The following CDH23 variants were observed in gnomAD, a reference collection of about 807,000 sequenced individuals.
The protein encoded by CDH23 is cadherin-23.
In CDH23, 189 loss-of-function variants were observed where a neutral mutation model predicts 317.1. The ratio of observed to expected loss-of-function variants is 0.60; its 90% CI spans 0.53 to 0.67. The LOEUF (loss-of-function observed/expected upper bound fraction) is 0.67. Ranked by LOEUF, CDH23 falls within the 30% of genes least tolerant of loss-of-function variation. The pLI is 0.00. For synonymous variants in CDH23, 1,839 were observed against 1,876.8 expected, an observed-to-expected ratio of 0.98 and a Z score of 0.52; for missense variants, 4,401 against 4,592.4, an observed-to-expected ratio of 0.96 and a Z score of 1.20.
intron 3 of CDH23, among the ~76,000 whole-genome samples, chr10:71,500,470 C>A (rs1853229249): frequency 6.6e-6 from 1 of 152,208 alleles, no homozygotes; most frequent in South Asian, 2.1e-4. Context: ...GAATGGCCGT[C>A]TTGCTGGTAG....
chr10:71,409,489 G>A (rs1420922719), intron 1 of CDH23, among the ~76,000 whole-genome samples: 3 of 152,174 alleles, frequency 2.0e-5, no homozygotes, highest in African/African-American at 4.8e-5. Flanking sequence ...ATGGGGAGGC[G>A]CTAGAATTCA....
intron 22 of CDH23, among the ~76,000 whole-genome samples, chr10:71,698,640 C>T (rs188881785): frequency 6.6e-6 from 1 of 152,278 alleles, no homozygotes; most frequent in East Asian, 1.9e-4. Context: ...TCCTCCCTGA[C>T]CCCTGCTCTT....
intron 30 of CDH23, among the ~76,000 whole-genome samples, chr10:71,726,249 C>T (rs920536506): frequency 7.2e-5 from 11 of 152,026 alleles, no homozygotes; most frequent in Non-Finnish European, 1.3e-4. Flanking sequence ...GTGAGTCAGA[C>T]CCCAGACATC....
chr10:71,419,664 A>C (rs1364567165), intron 1 of CDH23, among the ~76,000 whole-genome samples: 1 of 152,088 alleles, frequency 6.6e-6, no homozygotes, highest in African/African-American at 2.4e-5. Flanking sequence ...CATTTCCTTT[A>C]CTTTTTCTAT....
chr10:71,732,696 T>C, intron 32 of CDH23: 1 of 1,304,258 alleles, frequency 7.7e-7, no homozygotes, highest in Non-Finnish European at 9.8e-7. Context: ...TTTTCATATG[T>C]AGGAGTAAGA....
intron 6 of CDH23, among the ~76,000 whole-genome samples, chr10:71,530,262 C>A (rs944941081): frequency 1.3e-5 from 2 of 152,178 alleles, no homozygotes; most frequent in African/African-American, 4.8e-5. Context: ...TCCTTGGGGG[C>A]TCTGGACCCG....
chr10:71,403,283 C>A (rs1022601889), intron 1 of CDH23, among the ~76,000 whole-genome samples: 7 of 151,788 alleles, frequency 4.6e-5, no homozygotes, highest in Admixed American at 6.6e-5. Context: ...TTGCCGGTAC[C>A]CCTTTCATTT....
chr10:71,723,888 C>G (rs3802713), intron 28 of CDH23, among the ~76,000 whole-genome samples, 157 bp from the exon 29 acceptor site: 1 of 152,040 alleles, frequency 6.6e-6, no homozygotes. Context: ...AAGACATACA[C>G]GTCCCCTTGT....
intron 11 of CDH23, among the ~76,000 whole-genome samples, chr10:71,619,029 C>T (rs556193569): frequency 1.1e-4 from 17 of 152,246 alleles, no homozygotes; most frequent in Admixed American, 2.0e-4. Context: ...AAATACAGTA[C>T]GTACATTTTA....
intron 6 of CDH23, among the ~76,000 whole-genome samples, chr10:71,522,654 T>C (rs1469136638): frequency 1.3e-5 from 2 of 152,160 alleles, no homozygotes; most frequent in Non-Finnish European, 2.9e-5. Context: ...CAGGGGGAGC[T>C]AACCCCTGTG....
intron 6 of CDH23, among the ~76,000 whole-genome samples, chr10:71,550,638 C>G (rs1203887509): frequency 6.6e-6 from 1 of 151,698 alleles, no homozygotes; most frequent in Admixed American, 6.6e-5. Flanking sequence ...ACAAGGCTGC[C>G]TGTGGGAAAC....
intron 30 of CDH23, among the ~76,000 whole-genome samples, chr10:71,725,953 G>A (rs1311403363): frequency 6.6e-6 from 1 of 151,228 alleles, no homozygotes; most frequent in East Asian, 1.9e-4. Context: ...CTGAATCCAA[G>A]TTCAGTGCCC....
At chr10:71,747,238 A>G (rs948741958) in intron 38 of CDH23, among the ~76,000 whole-genome samples, 3 of 152,158 alleles carry the variant, frequency 2.0e-5, no homozygotes, top group Admixed American at 1.3e-4. Flanking sequence ...AGAGGGGTGC[A>G]TGGGCCACTG....
chr10:71,748,558 G>A (rs1839910311), intron 38 of CDH23: 1 of 152,384 alleles, frequency 6.6e-6, no homozygotes, highest in Non-Finnish European at 1.5e-5. Flanking sequence ...CAGGAGATAG[G>A]TAAGATGGCC....
intron 38 of CDH23, among the ~76,000 whole-genome samples, chr10:71,773,768 G>C (rs560927644): frequency 1.8e-4 from 28 of 152,268 alleles, no homozygotes; most frequent in African/African-American, 6.3e-4. Flanking sequence ...AATTATTATT[G>C]CTGCGCAGCC....
rs397517320 is a variant in CDH23, at chr10:71,707,035, G to C, written c.3092G>C (p.Ser1031Thr). The change falls in exon 26 of 70, where the codon AGC (serine) becomes ACC (threonine). Residue 1031 changes from serine (S) to threonine (T), a missense_variant. Transcript: ENST00000224721. The part of the protein sequence containing the change: ...DNDVGLNAEL[S>T]YFITGGNVDG... ...GACGTGGGCCTCAATGCAGAGCTCAGCTACTTCATCACAGGTGCTGCCCCG... is the reference window on the plus strand; with the variant it reads ...GACGTGGGCCTCAATGCAGAGCTCACCTACTTCATCACAGGTGCTGCCCCG... The C allele has an allele frequency of 3.1e-6, 5 of 1,605,370 alleles. No homozygotes were observed. The highest frequency in any genetic ancestry group is 1.3e-5 in the African/African-American group (1 of 74,836).
At chr10:71,708,380 G>A (rs10999966) in intron 26 of CDH23, among the ~76,000 whole-genome samples, 6,567 of 152,246 alleles carry the variant, frequency 0.043, 184 homozygotes, top group East Asian at 0.081. Flanking sequence ...AGCTGGTGCC[G>A]TGGCGCCCTC....
Position 71,545,314 on chromosome 10 carries a change from G to A in CDH23, c.430-21428G>A, listed in dbSNP as rs1031279598. 4.6e-5 allele frequency among the ~76,000 whole-genome samples: 7 copies of A among 152,088 alleles called. No homozygotes were observed. The South Asian group carries it at 1.2e-3, about 27-fold the overall frequency. ...CCTGCCAGAGAGGTCAGTGGCCTTC[G>A]GAGAAACCCATTAGACCGTTCTCAT... is the stretch of plus-strand genomic sequence containing the variant. On this transcript the variant is annotated intron_variant, in intron 6 of 69. Transcript: ENST00000224721.
In CDH23 at chr10:71,751,819, T is replaced by G. The variant is rs761467389; in HGVS notation, c.4845+9898T>G. On this transcript the variant is annotated intron_variant, in intron 38 of 69. Coordinates refer to ENST00000224721, the MANE Select transcript of CDH23 (RefSeq NM_022124.6). The surrounding 1 kb of genome is among the most constrained non-coding windows in gnomAD (Gnocchi z 4.9). Reference sequence around the variant, plus strand: ...TGGCCTCGGGTATCCCCTGGGCAGGTGGTGAGGCTTCAAAGCCGGGGTTTT... The same window carrying G: ...TGGCCTCGGGTATCCCCTGGGCAGGGGGTGAGGCTTCAAAGCCGGGGTTTT... 29 of 1,573,526 alleles carry G rather than the reference T, an allele frequency of 1.8e-5. 1 individual carries two copies. The South Asian group carries it at 3.4e-4, about 18-fold the overall frequency.
Sources: allele counts gnomAD v4.1 joint callset (sites outside exome capture counted in the v4.1 genomes callset), GRCh38; gene constraint gnomAD v4.1.1; non-coding constraint Gnocchi (gnomAD v3.1); transcripts MANE v1.5; gene names NCBI Gene and HGNC (gene_info 2026-07-23, HGNC 2026-07-21).